RNF216: variants seen among roughly 807,000 people sequenced by gnomAD.
RNF216 encodes the protein ring finger protein 216, also known as E3 ubiquitin-protein ligase RNF216.
In RNF216, 72 loss-of-function variants were observed where a neutral mutation model predicts 110.8. The ratio of observed to expected loss-of-function variants is 0.65; its 90% CI spans 0.54 to 0.79. The LOEUF is 0.79. Among genes scored for constraint, RNF216 ranks in the 30% least tolerant of loss-of-function variants. The pLI is 0.00. For synonymous variants in RNF216, 495 were observed against 407.5 expected, an observed-to-expected ratio of 1.21 and a Z score of -2.59; for missense variants, 1,342 against 1,141.2, an observed-to-expected ratio of 1.18 and a Z score of -2.54.
intron 2 of RNF216, among the ~76,000 whole-genome samples, chr7:5,758,097 A>G (rs911728633): frequency 1.3e-5 from 2 of 152,244 alleles, no homozygotes; most frequent in Non-Finnish European, 2.9e-5. Context: ...CTAACAAAAT[A>G]TATCTCCAAA....
intron 1 of RNF216, among the ~76,000 whole-genome samples, chr7:5,776,899 CAAAAAA>C (rs754872404): frequency 0.045 from 3,723 of 83,602 alleles, 41 homozygotes; most frequent in South Asian, 0.057. Flanking sequence ...AGACTCTGTC[CAAAAAA>C]AAAAAAAAAA....
chr7:5,697,442 C>G (rs1314309315), intron 13 of RNF216, among the ~76,000 whole-genome samples: 3 of 152,236 alleles, frequency 2.0e-5, no homozygotes, highest in South Asian at 2.1e-4. Context: ...TGACAGGCAG[C>G]TGGTAATGAT....
chr7:5,640,910 A>G (rs550025512), intron 15 of RNF216, among the ~76,000 whole-genome samples: 87 of 152,246 alleles, frequency 5.7e-4, no homozygotes, highest in Admixed American at 1.0e-3. Flanking sequence ...CAGAGGGCAC[A>G]GAGTTTTATT....
At chr7:5,716,808 A>G in intron 9 of RNF216, 42 bp from the exon 10 acceptor site, 12 of 1,486,524 alleles carry the variant, frequency 8.1e-6, no homozygotes, top group Non-Finnish European at 1.1e-5. Context: ...CAAATTTAGT[A>G]AAAATGACAC....
intron 14 of RNF216, among the ~76,000 whole-genome samples, chr7:5,648,321 A>T (rs1788173198): frequency 6.6e-6 from 1 of 151,714 alleles, no homozygotes; most frequent in South Asian, 2.1e-4. Flanking sequence ...TGGTCAGGCT[A>T]GTCTCGAACT....
At chr7:5,693,167 T>C (rs1257825600) in intron 13 of RNF216, among the ~76,000 whole-genome samples, 1 of 152,280 alleles carries the variant, frequency 6.6e-6, no homozygotes, top group Non-Finnish European at 1.5e-5. Flanking sequence ...CTGCCAATTT[T>C]TGTAAATATA....
chr7:5,683,011 G>A (rs572576786), intron 13 of RNF216, among the ~76,000 whole-genome samples: 23 of 152,220 alleles, frequency 1.5e-4, no homozygotes, highest in African/African-American at 4.1e-4. Flanking sequence ...CTCCCATGAC[G>A]GGGTCACAAA....
At chr7:5,627,213 A>C (rs1262103524) in intron 15 of RNF216, among the ~76,000 whole-genome samples, 2 of 152,182 alleles carry the variant, frequency 1.3e-5, no homozygotes, top group East Asian at 1.9e-4. Context: ...AACTGGGACA[A>C]ACACACACAC....
chr7:5,745,826 C>T (rs1006579910), intron 3 of RNF216, among the ~76,000 whole-genome samples: 4 of 146,036 alleles, frequency 2.7e-5, no homozygotes, highest in African/African-American at 1.0e-4. Flanking sequence ...TGCTTAAACT[C>T]GGGATGTTGC....
Position 5,696,669 on chromosome 7 carries a change from T to G in RNF216, c.2061+15092A>C, listed in dbSNP as rs955864114. ...TTTGACTACTGCCCCACGTCTCCCC[T>G]CTTGCCCCCAACCTGCCCTTAGAAC... On this transcript the variant is annotated intron_variant, in intron 13 of 16. Transcript: ENST00000389902. The surrounding 1 kb of genome is among the most constrained non-coding windows in gnomAD (Gnocchi z 5.4). 6.6e-6 allele frequency among the ~76,000 whole-genome samples: 1 copy of G among 152,130 alleles called. No homozygotes were observed. Among genetic ancestry groups the G allele is most frequent in the African/African-American group, 2.4e-5 (1 of 41,420 alleles).
At position 5,660,600 on chromosome 7, in the gene RNF216, C is replaced by A. The variant is rs1321271329; in HGVS notation, c.2062-8090G>T. 2.0e-5 allele frequency among the ~76,000 whole-genome samples: 3 copies of A among 151,670 alleles called. No individual in the cohort carries two copies. In the East Asian group the frequency reaches 5.8e-4, roughly 29 times the overall value. ...GCCCTGTTTTAATGATTGACTGAGA[C>A]AGGGTCTCACTGTGTCACCCAGGTT... On this transcript the variant is annotated intron_variant, in intron 13 of 16. Coordinates refer to ENST00000389902, the MANE Select transcript of RNF216 (RefSeq NM_207111.4).
chr7:5,671,632 G>A (rs144700087), intron 13 of RNF216, among the ~76,000 whole-genome samples: 1 of 151,976 alleles, frequency 6.6e-6, no homozygotes, highest in Non-Finnish European at 1.5e-5. Context: ...GTGAAACACC[G>A]TCTCTACTAA....
chr7:5,643,682 T>G (rs557573213), intron 14 of RNF216, among the ~76,000 whole-genome samples: 39 of 152,322 alleles, frequency 2.6e-4, no homozygotes, highest in South Asian at 6.2e-4. Context: ...TGTGGTAAAA[T>G]GCACATAAAA....
At chr7:5,664,691 G>A (rs1231055043) in intron 13 of RNF216, among the ~76,000 whole-genome samples, 2 of 152,192 alleles carry the variant, frequency 1.3e-5, no homozygotes, top group Admixed American at 1.3e-4. Flanking sequence ...CCGCCCAAGG[G>A]TAGGCTGCAC....
intron 3 of RNF216, among the ~76,000 whole-genome samples, chr7:5,743,455 T>C (rs375679146): frequency 1.8e-4 from 28 of 152,286 alleles, no homozygotes; most frequent in African/African-American, 6.7e-4. Flanking sequence ...ACTTATTTGT[T>C]CTACAAAATA....
chr7:5,755,915 G>C (rs1013317950), intron 2 of RNF216, among the ~76,000 whole-genome samples: 14 of 152,170 alleles, frequency 9.2e-5, no homozygotes, highest in African/African-American at 3.1e-4. Flanking sequence ...GTGTAGGATA[G>C]TACGTTGCTT....
At chr7:5,720,163 A>G (rs1267926567) in intron 9 of RNF216, among the ~76,000 whole-genome samples, 1 of 152,174 alleles carries the variant, frequency 6.6e-6, no homozygotes, top group Non-Finnish European at 1.5e-5. Flanking sequence ...GTGAAAAAGC[A>G]AATATAGCTG....
intron 14 of RNF216, 100 bp from the exon 15 acceptor site, chr7:5,641,476 A>G: frequency 1.0e-6 from 1 of 993,896 alleles, no homozygotes; most frequent in Non-Finnish European, 1.5e-6. Flanking sequence ...ATGATCACTT[A>G]TGGCTTTTTT....
At chr7:5,669,668 G>T (rs752322571) in intron 13 of RNF216, among the ~76,000 whole-genome samples, 1 of 152,128 alleles carries the variant, frequency 6.6e-6, no homozygotes, top group Non-Finnish European at 1.5e-5. Context: ...CAAGGTGGGC[G>T]GATCACTTGA....
Sources: gnomAD v4.1 joint callset for allele counts (sites outside exome capture counted in the v4.1 genomes callset) on GRCh38, gnomAD v4.1.1 for gene constraint, Gnocchi (gnomAD v3.1) non-coding constraint, MANE v1.5 for transcripts, NCBI Gene and HGNC (gene_info 2026-07-23, HGNC 2026-07-21) for gene names.